Variants in VPS54 observed in about 807,000 individuals in gnomAD.
VPS54 encodes vacuolar protein sorting-associated protein 54.
In VPS54, 45 loss-of-function variants were observed where a neutral mutation model predicts 121.5. The observed-to-expected ratio is 0.37, with a 90% CI of 0.29 to 0.47. VPS54 has a LOEUF of 0.47. Ranked by LOEUF, VPS54 falls within the 20% of genes least tolerant of loss-of-function variation. The pLI is 0.99. For synonymous variants in VPS54, 371 were observed against 385.8 expected (o/e 0.96, Z 0.45); for missense variants, 1,090 against 1,131.4 (o/e 0.96, Z 0.52).
At chr2:63,928,201 C>T (rs1674005495) in intron 12 of VPS54, among the ~76,000 whole-genome samples, 1 of 152,108 alleles carries the variant, frequency 6.6e-6, no homozygotes, top group African/African-American at 2.4e-5. Flanking sequence ...AACCCCAAGA[C>T]ACATAATTGT....
chr2:64,008,273 G>A (rs1469036175), intron 1 of VPS54, among the ~76,000 whole-genome samples: 2 of 152,118 alleles, frequency 1.3e-5, no homozygotes, highest in Non-Finnish European at 2.9e-5. Context: ...AATTAGCCGG[G>A]CATGGTGGCA....
chr2:63,992,154 C>T (rs990651918), intron 1 of VPS54, among the ~76,000 whole-genome samples: 8 of 151,988 alleles, frequency 5.3e-5, no homozygotes, highest in African/African-American at 1.9e-4. Flanking sequence ...CTCAATTGCT[C>T]AATTGCTTTT....
At chr2:63,998,950 C>A (rs756549816) in intron 1 of VPS54, among the ~76,000 whole-genome samples, 2 of 151,530 alleles carry the variant, frequency 1.3e-5, no homozygotes, top group Non-Finnish European at 2.9e-5. Context: ...AAGTACATAC[C>A]CTTTAGCTTT....
At chr2:63,923,485 C>G (rs1351500705) in intron 12 of VPS54, among the ~76,000 whole-genome samples, 1 of 152,058 alleles carries the variant, frequency 6.6e-6, no homozygotes, top group African/African-American at 2.4e-5. Flanking sequence ...CATAACAGCA[C>G]TATTCAAAAT....
chr2:63,961,945 A>T, intron 7 of VPS54, 113 bp downstream of exon 7: 1 of 1,151,208 alleles, frequency 8.7e-7, no homozygotes, highest in East Asian at 2.5e-5. Context: ...TCAATCTGGA[A>T]GAAAAAATAT....
Position 63,944,522 on chromosome 2 carries a change from T to C in VPS54, c.1301+78A>G, listed in dbSNP as rs1040576000. 6.5e-6 allele frequency: 9 copies of C among 1,389,402 alleles called. No homozygotes were observed. In the African/African-American group the frequency reaches 1.1e-4, roughly 18 times the overall value. The allele number at this position is 1,389,402 out of a possible 1,614,324, so 86.1% of individuals were successfully genotyped here. A position where few individuals can be genotyped will look rare whatever the true frequency, so the allele number is the denominator to read the frequency against. Reference sequence around the variant, plus strand: ...CTTAGTAAATAATTCCTTAACGAAATCTACTTCGAATTATTCTAATTTACA... The same window carrying C: ...CTTAGTAAATAATTCCTTAACGAAACCTACTTCGAATTATTCTAATTTACA... On this transcript the variant is annotated intron_variant, in intron 10 of 22. Coordinates refer to ENST00000272322, the MANE Select transcript of VPS54 (RefSeq NM_016516.3).
chr2:63,932,728 A>G (rs927411570), intron 12 of VPS54, among the ~76,000 whole-genome samples: 2 of 151,836 alleles, frequency 1.3e-5, no homozygotes, highest in African/African-American at 2.4e-5. Flanking sequence ...AAATATTGTT[A>G]TTCTTAACAA....
rs11354356 is a variant in VPS54 at position 64,009,847 on chromosome 2, C to CT, written c.-21+9090dup. Among the ~76,000 whole-genome samples the CT allele has an allele frequency of 9.5e-4, 134 of 141,686 alleles. No individual in the cohort carries two copies. The South Asian group carries it at 0.011, about 11-fold the overall frequency. 93.0% of individuals were successfully genotyped at this position (141,686 alleles called of 152,430 possible). ...ACTTCTGAATTCCATATAATTGACC[C>CT]TTTTTTTTTTTTTTGAGACAGTCTC... On this transcript the variant is annotated intron_variant, in intron 1 of 22. Transcript: ENST00000272322.
At chr2:63,942,905 C>A (rs1367482341) in intron 10 of VPS54, among the ~76,000 whole-genome samples, 1 of 152,150 alleles carries the variant, frequency 6.6e-6, no homozygotes, top group African/African-American at 2.4e-5. Flanking sequence ...TTTCTAACTA[C>A]AACTTTAAAA....
At chr2:63,984,425 C>A (rs991496306) in intron 1 of VPS54, among the ~76,000 whole-genome samples, 1 of 152,110 alleles carries the variant, frequency 6.6e-6, no homozygotes, top group Non-Finnish European at 1.5e-5. Flanking sequence ...TTTACTTAAC[C>A]TTTATGTATC....
At chr2:63,900,819 G>A (rs185907591) in intron 20 of VPS54, among the ~76,000 whole-genome samples, 1 of 152,224 alleles carries the variant, frequency 6.6e-6, no homozygotes, top group Non-Finnish European at 1.5e-5. Flanking sequence ...CTGGAGTGCA[G>A]TGGTGCAATC....
chr2:63,989,977 T>G (rs1677237275), intron 1 of VPS54, among the ~76,000 whole-genome samples: 1 of 152,232 alleles, frequency 6.6e-6, no homozygotes. Context: ...TATGTAAAAG[T>G]ATGGGATCGT....
intron 1 of VPS54, among the ~76,000 whole-genome samples, chr2:64,000,997 G>A (rs1200095490): frequency 6.6e-6 from 1 of 152,224 alleles, no homozygotes. Flanking sequence ...TGTAAGTCCA[G>A]AAGTTATCTC....
chr2:63,956,432 C>A (rs1384182750), intron 7 of VPS54, among the ~76,000 whole-genome samples: 1 of 152,112 alleles, frequency 6.6e-6, no homozygotes, highest in East Asian at 1.9e-4. Flanking sequence ...AAGCTAGCTG[C>A]AGTAATTTTT....
At chr2:63,946,555 A>G (rs1674988550) in intron 9 of VPS54, among the ~76,000 whole-genome samples, 1 of 152,102 alleles carries the variant, frequency 6.6e-6, no homozygotes, top group African/African-American at 2.4e-5. Context: ...TTAACTTTTA[A>G]ACTTAAACTT....
intron 1 of VPS54, among the ~76,000 whole-genome samples, chr2:64,017,068 G>A (rs1409136077): frequency 1.3e-5 from 2 of 149,806 alleles, no homozygotes; most frequent in African/African-American, 4.9e-5. Flanking sequence ...CGGGGCCGGG[G>A]CGGTGGCTCA....
At position 63,914,191 on chromosome 2, in the gene VPS54, A is replaced by G; in HGVS notation, c.2325T>C (p.Asp775=). ...VTTDMLTRLS[D]LLKYFNSRSC... ...GTGAAGTCATACATACCTTCAATAA[A>G]TCTGACAGACGAGTAAGCATGTCAG... is the stretch of plus-strand genomic sequence containing the variant. The change falls in exon 17 of 23, where the codon GAT becomes GAC. Residue 775 remains aspartate, a synonymous_variant. Coordinates refer to ENST00000272322, the MANE Select transcript of VPS54 (RefSeq NM_016516.3). 8 of 1,612,424 alleles carry G rather than the reference A, an allele frequency of 5.0e-6. No individual in the cohort carries two copies. The highest frequency in any genetic ancestry group is 6.8e-6 in the Non-Finnish European group (8 of 1,179,044).
chr2:63,937,015 C>T (rs1674486392), intron 11 of VPS54, among the ~76,000 whole-genome samples: 1 of 151,886 alleles, frequency 6.6e-6, no homozygotes, highest in Non-Finnish European at 1.5e-5. Flanking sequence ...AATTAAAGGC[C>T]TAAATATAAG....
chr2:63,894,108 A>T (rs1275238944), intron 22 of VPS54, among the ~76,000 whole-genome samples: 4 of 152,238 alleles, frequency 2.6e-5, no homozygotes, highest in Non-Finnish European at 5.9e-5. Flanking sequence ...ATGCAAATCA[A>T]AACAAGGTAC....
Sources: gnomAD v4.1 joint callset for allele counts (sites outside exome capture counted in the v4.1 genomes callset) on GRCh38, gnomAD v4.1.1 for gene constraint, MANE v1.5 for transcripts, NCBI Gene and HGNC (gene_info 2026-07-23, HGNC 2026-07-21) for gene names.